FZR1: variants seen among roughly 807,000 people sequenced by gnomAD.
The protein encoded by FZR1 is fizzy and cell division cycle 20 related 1.
FZR1 carries 11 observed loss-of-function variants against 63.6 expected under a neutral mutation model. That is an observed-to-expected ratio of 0.17 (90% CI 0.11 to 0.29). The LOEUF (loss-of-function observed/expected upper bound fraction) is 0.29, where lower values mean the gene tolerates loss of function less well. FZR1 is among the 10% of genes least tolerant of loss of function. The probability of loss-of-function intolerance (pLI) is 1.00; values close to 1 mark genes in which losing one functional copy is unlikely to be tolerated. For missense variants in FZR1, 440 were observed against 687.5 expected, an observed-to-expected ratio of 0.64 and a Z score of 4.03; for synonymous variants, 328 against 297.9, an observed-to-expected ratio of 1.10 and a Z score of -1.04.
In FZR1 at chr19:3,535,218, G is replaced by A. The variant is rs138888196; in HGVS notation, c.*382G>A. The A allele has an allele frequency of 2.1e-4, 64 of 310,928 alleles. No homozygotes were observed. Among genetic ancestry groups the A allele is most frequent in the Admixed American group, 3.5e-4 (8 of 23,050 alleles). The allele number at this position is 310,928 out of a possible 1,614,324, so 19.3% of individuals were successfully genotyped here. On this transcript the variant is annotated 3_prime_UTR_variant, in exon 14 of 14. Coordinates refer to ENST00000441788, the MANE Select transcript of FZR1 (RefSeq NM_016263.4). ...GCATGCTCTTCCTGGAACTGCCCAC[G>A]TCTGCACAGAACAGACCACCAGACG...
rs548189053 is a variant in FZR1, at chr19:3,532,773, G to A, written c.1242+123G>A. 80 of 714,488 alleles carry A rather than the reference G, an allele frequency of 1.1e-4. 2 individuals carry two copies. The highest frequency in any genetic ancestry group is 8.0e-4 in the South Asian group (51 of 64,092). 44.3% of individuals were successfully genotyped at this position (714,488 alleles called of 1,614,324 possible). On this transcript the variant is annotated intron_variant, in intron 11 of 13. Coordinates refer to ENST00000441788, the MANE Select transcript of FZR1 (RefSeq NM_016263.4). ...AGAGTCGCTCTGAAGGGAGATGGGC[G>A]AGGGAGGCCGAGCGGGGAGGCAGGG...
rs568942885 is a variant in FZR1 at position 3,510,823 on chromosome 19, G to A, written c.-35+4349G>A. Among the ~76,000 whole-genome samples the A allele has an allele frequency of 5.9e-5, 9 of 152,340 alleles. No individual in the cohort carries two copies. The East Asian group carries it at 1.2e-3, about 20-fold the overall frequency. On this transcript the variant is annotated intron_variant, in intron 1 of 13. Transcript: ENST00000441788. The stretch of plus-strand genomic sequence containing the variant: ...ACATCTGTGCATTGTCACAACTGGG[G>A]GGCGCTCCTGGCATGGAGTGAGTGG...
Position 3,516,294 on chromosome 19 carries a change from C to T in FZR1, c.-34-6662C>T, listed in dbSNP as rs145949728. 3.9e-5 allele frequency among the ~76,000 whole-genome samples: 6 copies of T among 152,272 alleles called. No individual in the cohort carries two copies. The highest frequency in any genetic ancestry group is 4.2e-4 in the South Asian group (2 of 4,816). On this transcript the variant is annotated intron_variant, in intron 1 of 13. Transcript: ENST00000441788. The surrounding 1 kb of genome is among the most constrained non-coding windows in gnomAD (Gnocchi z 6.0). The stretch of plus-strand genomic sequence containing the variant: ...CGGTTGGATTGGCAGCTCCTGACTG[C>T]GAGGGAGGACTGGTCCTTTCCCAGT...
intron 1 of FZR1, among the ~76,000 whole-genome samples, chr19:3,520,257 G>A (rs1031013644): frequency 6.6e-6 from 1 of 152,102 alleles, no homozygotes; most frequent in Admixed American, 6.5e-5. Context: ...GGGACTGTGG[G>A]TGGGGAGAGG....
At position 3,530,824 on chromosome 19, in the gene FZR1, G is replaced by A. The variant is rs34179387; in HGVS notation, c.687G>A (p.Gly229=). 30 of 1,613,188 alleles carry A rather than the reference G, an allele frequency of 1.9e-5. No individual in the cohort carries two copies. The African/African-American group carries it at 3.2e-4, about 17-fold the overall frequency. The change falls in exon 8 of 14, where the codon GGG becomes GGA. Residue 229 remains glycine (G), a synonymous_variant. Coordinates refer to ENST00000441788, the MANE Select transcript of FZR1 (RefSeq NM_016263.4). The part of the protein sequence containing the change: ...VTRLCDLSVE[G]DSVTSVGWSE... The stretch of plus-strand genomic sequence containing the variant: ...GGCTCTGTGACCTCTCAGTGGAAGG[G>A]GACTCAGTGACCTCCGTGGGCTGGT...
rs1377173477 is a variant in FZR1, at chr19:3,525,856, G to C, written c.70-12G>C. 3.7e-6 allele frequency: 6 copies of C among 1,609,890 alleles called. No homozygotes were observed. The highest frequency in any genetic ancestry group is 1.7e-5 in the Admixed American group (1 of 60,016). On this transcript the variant is annotated splice_polypyrimidine_tract_variant and intron_variant, in intron 2 of 13. Transcript: ENST00000441788. The surrounding 1 kb of genome is among the most constrained non-coding windows in gnomAD (Gnocchi z 4.2). The stretch of plus-strand genomic sequence containing the variant: ...CGGTGCTGAGAGCAAGCCCTCTGCT[G>C]ATGCCCTTCAGGTCACAGAGATGCG...
intron 12 of FZR1, 185 bp from the exon 13 acceptor site, chr19:3,534,236 A>T: frequency 2.3e-6 from 1 of 441,048 alleles, no homozygotes; most frequent in Non-Finnish European, 4.0e-6. Flanking sequence ...TTAAAAAAAA[A>T]AAAAAAAAAA....
intron 13 of FZR1, 50 bp downstream of exon 13, chr19:3,534,563 A>G: frequency 1.5e-6 from 2 of 1,294,452 alleles, no homozygotes; most frequent in Non-Finnish European, 1.1e-6. Flanking sequence ...AGCCTGTCCC[A>G]GGGTCGTCCC....
intron 7 of FZR1, among the ~76,000 whole-genome samples, chr19:3,529,023 TGAG>T (rs2083196398): frequency 7.2e-6 from 1 of 138,518 alleles, no homozygotes; most frequent in African/African-American, 2.8e-5. Flanking sequence ...TGAGAGTAGT[TGAG>T]GAAGTGGATG....
intron 1 of FZR1, among the ~76,000 whole-genome samples, chr19:3,507,539 C>T (rs186902165): frequency 6.6e-6 from 1 of 152,228 alleles, no homozygotes; most frequent in African/African-American, 2.4e-5. Flanking sequence ...TTCCCCCGCC[C>T]CGCCCCAGTC....
At chr19:3,527,143 A>G (rs973390530) in intron 6 of FZR1, 81 bp downstream of exon 6, 2 of 1,146,396 alleles carry the variant, frequency 1.7e-6, no homozygotes, top group East Asian at 2.3e-5. Flanking sequence ...CTTCCTCCGC[A>G]GCCCTGTCCC....
intron 1 of FZR1, among the ~76,000 whole-genome samples, chr19:3,521,624 C>T (rs1408099207): frequency 1.3e-5 from 2 of 152,054 alleles, no homozygotes; most frequent in African/African-American, 2.4e-5. Context: ...GCCTCAGCCT[C>T]CTGAGTAGCT....
At position 3,525,177 on chromosome 19, in the gene FZR1, G is replaced by T. The variant is rs1210240512; in HGVS notation, c.70-691G>T. On this transcript the variant is annotated intron_variant, in intron 2 of 13. Transcript: ENST00000441788. This position sits in a 1 kb window ranked among gnomAD's most constrained non-coding sequence, Gnocchi z 4.2. ...CCTGCGTCTGTGATCATCTAGAGAC[G>T]GTGAATGCATGGCACCTGCGCAGCG... Among the ~76,000 whole-genome samples, 1 of 152,158 alleles carries T rather than the reference G, an allele frequency of 6.6e-6. No homozygotes were observed. Among genetic ancestry groups the T allele is most frequent in the Admixed American group, 6.5e-5 (1 of 15,272 alleles).
In FZR1 at chr19:3,527,577, C is replaced by T. The variant is rs527766549; in HGVS notation, c.471-54C>T. 1.8e-4 allele frequency: 267 copies of T among 1,457,672 alleles called. 1 individual carries two copies. In the African/African-American group the frequency reaches 3.1e-3, roughly 17 times the overall value. 90.3% of individuals were successfully genotyped at this position (1,457,672 alleles called of 1,614,324 possible). On this transcript the variant is annotated intron_variant, in intron 6 of 13. Transcript: ENST00000441788. The stretch of plus-strand genomic sequence containing the variant: ...GAAGGAGACACTTCCCAAGCGTTTG[C>T]AAGAGGTGACCCAAGTGCCGTGGCT...
intron 1 of FZR1, among the ~76,000 whole-genome samples, chr19:3,508,594 T>C (rs933183458): frequency 6.6e-6 from 1 of 152,190 alleles, no homozygotes; most frequent in African/African-American, 2.4e-5. Context: ...CAGAATGGAA[T>C]TGGTTCTGAG....
At chr19:3,523,395 T>C (rs2083121716) in intron 2 of FZR1, among the ~76,000 whole-genome samples, 1 of 152,176 alleles carries the variant, frequency 6.6e-6, no homozygotes, top group Non-Finnish European at 1.5e-5. Flanking sequence ...TCTGGAACCC[T>C]GTGGGATTTG....
At chr19:3,520,383 G>A (rs910368549) in intron 1 of FZR1, among the ~76,000 whole-genome samples, 2 of 152,204 alleles carry the variant, frequency 1.3e-5, no homozygotes, top group East Asian at 3.9e-4. Context: ...GGCCGCGTGG[G>A]CCACCCTTTG....
chr19:3,528,950 GGATGGGTGAGTGGATGGGAGAGCA>G (rs1381246519), intron 7 of FZR1, among the ~76,000 whole-genome samples: 2 of 149,872 alleles, frequency 1.3e-5, no homozygotes, highest in Non-Finnish European at 3.0e-5. Context: ...ATGGGAGAGC[GGATGGGTGAGTGGATGGGAGAGCA>G]GATGGTTGAG....
At chr19:3,509,274 A>G (rs1292290575) in intron 1 of FZR1, among the ~76,000 whole-genome samples, 1 of 151,976 alleles carries the variant, frequency 6.6e-6, no homozygotes, top group Non-Finnish European at 1.5e-5. Context: ...GTCCTCATTC[A>G]TGGATGGGAT....
Sources: gnomAD v4.1 joint callset for allele counts (sites outside exome capture counted in the v4.1 genomes callset) on GRCh38, gnomAD v4.1.1 for gene constraint, Gnocchi (gnomAD v3.1) non-coding constraint, MANE v1.5 for transcripts, NCBI Gene and HGNC (gene_info 2026-07-23, HGNC 2026-07-21) for gene names.